PPP2R1A: variants seen among roughly 807,000 people sequenced by gnomAD.
PPP2R1A encodes the protein serine/threonine-protein phosphatase 2A 65 kDa regulatory subunit A alpha isoform.
Under a neutral mutation model 67.1 loss-of-function variants are expected in PPP2R1A, and 15 were observed. The observed-to-expected ratio is 0.22, with a 90% CI of 0.15 to 0.34. The LOEUF (loss-of-function observed/expected upper bound fraction) is 0.34, where lower values mean the gene tolerates loss of function less well. Among genes scored for constraint, PPP2R1A ranks in the 10% least tolerant of loss-of-function variants. The probability of loss-of-function intolerance (pLI) is 1.00; values close to 1 mark genes in which losing one functional copy is unlikely to be tolerated. For synonymous variants in PPP2R1A, 337 were observed against 325.0 expected, an observed-to-expected ratio of 1.04 and a Z score of -0.40; for missense variants, 369 against 775.0, an observed-to-expected ratio of 0.48 and a Z score of 6.22.
intron 13 of PPP2R1A, among the ~76,000 whole-genome samples, chr19:52,224,241 T>C (rs1979116337): frequency 6.6e-6 from 1 of 151,962 alleles, no homozygotes; most frequent in Admixed American, 6.6e-5. Context: ...AGATTTCTCT[T>C]TCTGTCTGTT....
At chr19:52,221,276 TG>T in intron 12 of PPP2R1A, 143 bp downstream of exon 12, 1 of 1,262,210 alleles carries the variant, frequency 7.9e-7, no homozygotes, top group South Asian at 1.4e-5. Flanking sequence ...GATGAGTCCT[TG>T]GGGAACTGCA....
In PPP2R1A at chr19:52,226,074, C is replaced by T; in HGVS notation, c.*93C>T. 6.3e-7 allele frequency: 1 copy of T among 1,582,850 alleles called. No individual in the cohort carries two copies. The highest frequency in any genetic ancestry group is 8.7e-7 in the Non-Finnish European group (1 of 1,152,606). On this transcript the variant is annotated 3_prime_UTR_variant, in exon 15 of 15. Transcript: ENST00000322088. ...GAGACACTGGGGGGCCTTTGGCTGTCACTCCCTGTGCATGGTCTGACCCCA... is the reference window on the plus strand; with the variant it reads ...GAGACACTGGGGGGCCTTTGGCTGTTACTCCCTGTGCATGGTCTGACCCCA...
chr19:52,216,456 G>C lies in PPP2R1A; in HGVS notation c.994-73G>C. 2 of 1,566,558 alleles carry C rather than the reference G, an allele frequency of 1.3e-6. No homozygotes were observed. The highest frequency in any genetic ancestry group is 1.8e-6 in the Non-Finnish European group (2 of 1,141,118). On this transcript the variant is annotated intron_variant, in intron 8 of 14. Coordinates refer to ENST00000322088, the MANE Select transcript of PPP2R1A (RefSeq NM_014225.6). This position sits in a 1 kb window ranked among gnomAD's most constrained non-coding sequence, Gnocchi z 4.3. The stretch of plus-strand genomic sequence containing the variant: ...AGAAGCAGGTTATTGTCTCTTAGGA[G>C]TTGGCATCTGCTTAGCCACTTGCTG...
Position 52,226,287 on chromosome 19 carries a change from A to C in PPP2R1A, c.*306A>C, listed in dbSNP as rs1600176131. The C allele has an allele frequency of 2.3e-6, 1 of 426,862 alleles. No homozygotes were observed. Among genetic ancestry groups the C allele is most frequent in the South Asian group, 6.0e-5 (1 of 16,604 alleles). 26.4% of individuals were successfully genotyped at this position (426,862 alleles called of 1,614,324 possible). Reference sequence around the variant, plus strand: ...ACTGGATCCTGCTGCTGTAATGGGAACCCCTCCCCCATTTACTTCTCCACC... The same window carrying C: ...ACTGGATCCTGCTGCTGTAATGGGACCCCCTCCCCCATTTACTTCTCCACC... On this transcript the variant is annotated 3_prime_UTR_variant, in exon 15 of 15. Coordinates refer to ENST00000322088, the MANE Select transcript of PPP2R1A (RefSeq NM_014225.6).
intron 1 of PPP2R1A, chr19:52,190,411 T>G (rs2089442530): frequency 1.7e-6 from 1 of 573,262 alleles, no homozygotes; most frequent in Non-Finnish European, 3.1e-6. Flanking sequence ...GCCTGCCCTG[T>G]GCGCGCGGCG....
intron 1 of PPP2R1A, among the ~76,000 whole-genome samples, chr19:52,193,853 G>C (rs961698625): frequency 6.6e-6 from 1 of 151,568 alleles, no homozygotes; most frequent in African/African-American, 2.4e-5. Context: ...ACCACCCCTG[G>C]CCAATTCTAG....
chr19:52,215,923 T>C, intron 7 of PPP2R1A, 30 bp downstream of exon 7: 2 of 1,612,170 alleles, frequency 1.2e-6, no homozygotes, highest in Non-Finnish European at 1.7e-6. Flanking sequence ...ACACAGCAAG[T>C]GGGGTGGGTA....
At position 52,226,227 on chromosome 19, in the gene PPP2R1A, GC is replaced by G; in HGVS notation, c.*249del. 1.7e-6 allele frequency: 1 copy of G among 581,390 alleles called. No homozygotes were observed. 36.0% of individuals were successfully genotyped at this position (581,390 alleles called of 1,614,324 possible). A position where few individuals can be genotyped will look rare whatever the true frequency, so the allele number is the denominator to read the frequency against. On this transcript the variant is annotated 3_prime_UTR_variant, in exon 15 of 15. Transcript: ENST00000322088. The stretch of plus-strand genomic sequence containing the variant: ...GACCTTGGGAGGAAGGGGCTACTCC[GC>G]CCACGTCAGGGAGAGATGTGAGCAT...
At chr19:52,205,273 G>T (rs1324424349) in intron 2 of PPP2R1A, among the ~76,000 whole-genome samples, 1 of 152,170 alleles carries the variant, frequency 6.6e-6, no homozygotes, top group Non-Finnish European at 1.5e-5. Context: ...AGAGGCCTTT[G>T]GATGTGGGCA....
At chr19:52,196,125 G>A (rs900579984) in intron 1 of PPP2R1A, among the ~76,000 whole-genome samples, 1 of 152,166 alleles carries the variant, frequency 6.6e-6, no homozygotes, top group Non-Finnish European at 1.5e-5. Context: ...GCCCAAATCT[G>A]TATCTCACAG....
chr19:52,215,059 T>G (rs533045644), intron 6 of PPP2R1A, among the ~76,000 whole-genome samples: 1 of 152,070 alleles, frequency 6.6e-6, no homozygotes, highest in Non-Finnish European at 1.5e-5. Flanking sequence ...ATCTTTATTG[T>G]TTTATTTTTA....
At position 52,211,979 on chromosome 19, in the gene PPP2R1A, C is replaced by G. The variant is rs190395852; in HGVS notation, c.503+487C>G. Among the ~76,000 whole-genome samples, 221 of 152,272 alleles carry G rather than the reference C, an allele frequency of 1.5e-3. 4 individuals carry two copies. Among genetic ancestry groups the G allele is most frequent in the Non-Finnish European group, 4.6e-4 (31 of 68,038 alleles). ...CAGAACTCTGGTTTATGGCTGTACACTTGCTTAGATACTTACACTGGCCCC... is the reference window on the plus strand; with the variant it reads ...CAGAACTCTGGTTTATGGCTGTACAGTTGCTTAGATACTTACACTGGCCCC... On this transcript the variant is annotated intron_variant, in intron 4 of 14. Transcript: ENST00000322088. This position sits in a 1 kb window ranked among gnomAD's most constrained non-coding sequence, Gnocchi z 5.3.
In PPP2R1A at chr19:52,190,055, A is replaced by G. The variant is rs1241283997; in HGVS notation, c.-42A>G. ...AGCATTGCCCCCCCCACGTTTCAGC[A>G]CAGCGCTGGCCGCAGTCTGACAGGA... On this transcript the variant is annotated 5_prime_UTR_variant, in exon 1 of 15. Coordinates refer to ENST00000322088, the MANE Select transcript of PPP2R1A (RefSeq NM_014225.6). 1.4e-6 allele frequency: 2 copies of G among 1,464,976 alleles called. No homozygotes were observed. Among genetic ancestry groups the G allele is most frequent in the Non-Finnish European group, 1.9e-6 (2 of 1,080,452 alleles). 90.7% of individuals were successfully genotyped at this position (1,464,976 alleles called of 1,614,324 possible).
chr19:52,194,750 T>C (rs973540005), intron 1 of PPP2R1A, among the ~76,000 whole-genome samples: 27 of 152,130 alleles, frequency 1.8e-4, no homozygotes, highest in Non-Finnish European at 1.8e-4. Context: ...AGATTCCTCA[T>C]CTGCAAAATG....
chr19:52,225,786 C>T lies in PPP2R1A; in HGVS notation c.1731C>T (p.Tyr577=), dbSNP rs1292470494. Residue 577 remains tyrosine, a synonymous_variant, in exon 14 of 15, where the codon TAC becomes TAT. Coordinates refer to ENST00000322088, the MANE Select transcript of PPP2R1A (RefSeq NM_014225.6). The part of the protein sequence containing the change: ...LTQDQDVDVK[Y]FAQEALTVLS... The stretch of plus-strand genomic sequence containing the variant: ...AGGACCAGGATGTGGACGTCAAATA[C>T]TTTGCCCAGGAGGCTCTGACTGGTA... 3.1e-6 allele frequency: 5 copies of T among 1,614,194 alleles called. No individual in the cohort carries two copies. The highest frequency in any genetic ancestry group is 2.2e-5 in the South Asian group (2 of 91,090).
At chr19:52,201,870 GTTGAGAGCTGTCAGA>G (rs1276840797) in intron 1 of PPP2R1A, 59 bp from the exon 2 acceptor site, 3 of 1,405,746 alleles carry the variant, frequency 2.1e-6, no homozygotes, top group Non-Finnish European at 3.0e-6. Context: ...GGCTGACTGG[GTTGAGAGCTGTCAGA>G]ACTCACGCGT....
rs2089438141 is a variant in PPP2R1A at position 52,190,111 on chromosome 19, C to G, written c.15C>G (p.Asp5Glu). Residue 5 changes from aspartate (D) to glutamate (E), a missense_variant, in exon 1 of 15, where the codon GAC (aspartate) becomes GAG (glutamate). Asp to Glu is a conservative substitution (Grantham distance 45). Transcript: ENST00000322088. The part of the protein sequence containing the change: MAAA[D>E]GDDSLYPIAV... The stretch of plus-strand genomic sequence containing the variant: ...ACGGAGCCAAGATGGCGGCGGCCGA[C>G]GGCGACGACTCGCTGTACCCCATCG... 6.5e-7 allele frequency: 1 copy of G among 1,548,132 alleles called. No homozygotes were observed. The highest frequency in any genetic ancestry group is 1.2e-5 in the South Asian group (1 of 84,002).
Position 52,219,559 on chromosome 19 carries a change from G to A in PPP2R1A, c.1129-132G>A. 1 of 876,460 alleles carries A rather than the reference G, an allele frequency of 1.1e-6. No homozygotes were observed. The highest frequency in any genetic ancestry group is 1.7e-6 in the Non-Finnish European group (1 of 595,002). 54.3% of individuals were successfully genotyped at this position (876,460 alleles called of 1,614,324 possible). On this transcript the variant is annotated intron_variant, in intron 9 of 14. Transcript: ENST00000322088. The surrounding 1 kb of genome is among the most constrained non-coding windows in gnomAD (Gnocchi z 4.0). ...GTGCCGTTAATGTGTTCCCAGAACG[G>A]GGAGCTGGGCTTGGACAGGAGTAGT...
intron 12 of PPP2R1A, 108 bp from the exon 13 acceptor site, chr19:52,221,991 G>T (rs1269586376): frequency 8.4e-7 from 1 of 1,188,644 alleles, no homozygotes; most frequent in South Asian, 1.5e-5. Context: ...GTATTGCTCA[G>T]CCTCTGTGGG....
Sources: allele counts gnomAD v4.1 joint callset (sites outside exome capture counted in the v4.1 genomes callset), GRCh38; gene constraint gnomAD v4.1.1; non-coding constraint Gnocchi (gnomAD v3.1); transcripts MANE v1.5; gene names NCBI Gene and HGNC (gene_info 2026-07-23, HGNC 2026-07-21).